ZNF765: variants seen among roughly 807,000 people sequenced by gnomAD.
The protein encoded by ZNF765 is zinc finger protein 765.
Under a neutral mutation model 44.7 loss-of-function variants are expected in ZNF765, and 37 were observed. The ratio of observed to expected loss-of-function variants is 0.83; its 90% CI spans 0.64 to 1.09. ZNF765 has a LOEUF of 1.09. Among genes scored for constraint, ZNF765 ranks in the 50% least tolerant of loss-of-function variants. ZNF765 has a pLI of 0.00. For missense variants in ZNF765, 594 were observed against 626.1 expected (o/e 0.95, Z 0.55); for synonymous variants, 201 against 213.7 (o/e 0.94, Z 0.52).
chr19:53,412,517 C>G (rs2085841643), downstream of ZNF765, among the ~76,000 whole-genome samples: 1 of 152,128 alleles, frequency 6.6e-6, no homozygotes. Context: ...TAAACTGGTA[C>G]AAGTCTGTTA....
chr19:53,400,783 T>TATATACACAC lies in ZNF765; in HGVS notation c.16-1281_16-1280insTATACACACA, dbSNP rs10664389. Among the ~76,000 whole-genome samples, 397 of 126,766 alleles carry TATATACACAC rather than the reference T, an allele frequency of 3.1e-3. 2 individuals are homozygous for TATATACACAC. Among genetic ancestry groups the TATATACACAC allele is most frequent in the Admixed American group, 5.7e-3 (71 of 12,456 alleles). The allele number at this position is 126,766 out of a possible 152,430, so 83.2% of individuals were successfully genotyped here. The stretch of plus-strand genomic sequence containing the variant: ...GTTGACATATATATATATATATATA[T>TATATACACAC]ACACACATACATAAAATGGATTTTC... On this transcript the variant is annotated intron_variant, in intron 2 of 3. Transcript: ENST00000396408.
intron 1 of ZNF765, among the ~76,000 whole-genome samples, chr19:53,396,007 A>T (rs1427095637): frequency 1.3e-5 from 2 of 151,964 alleles, no homozygotes; most frequent in African/African-American, 4.8e-5. Flanking sequence ...GGAAAAAAAA[A>T]AAAAGGAGGA....
chr19:53,416,609 C>T (rs550957303), downstream of ZNF765, among the ~76,000 whole-genome samples: 11 of 151,898 alleles, frequency 7.2e-5, no homozygotes, highest in East Asian at 9.7e-4. Context: ...TGGGATATTT[C>T]GGTTAAGAGA....
chr19:53,398,561 T>C lies in ZNF765; in HGVS notation c.15+531T>C, dbSNP rs542725007. ...AGAATGGAAAGTTCATACACAGACA[T>C]GAATGATACAAGATGTTTTATTCCG... On this transcript the variant is annotated intron_variant, in intron 2 of 3. Coordinates refer to ENST00000396408, the MANE Select transcript of ZNF765 (RefSeq NM_001040185.3). 5.3e-5 allele frequency among the ~76,000 whole-genome samples: 8 copies of C among 152,272 alleles called. 1 individual carries two copies. In the South Asian group the frequency reaches 1.0e-3, roughly 20 times the overall value.
exon 4 of ZNF765, chr19:53,423,943 G>A (rs1358374738): frequency 6.5e-6 from 1 of 154,702 alleles, no homozygotes; most frequent in Non-Finnish European, 1.4e-5. Flanking sequence ...ATACTGAAAC[G>A]TAAACGATAT....
intron 3 of ZNF765, among the ~76,000 whole-genome samples, chr19:53,403,852 AAAC>A (rs2085751343): frequency 6.6e-6 from 1 of 150,800 alleles, no homozygotes; most frequent in African/African-American, 2.5e-5. Context: ...AAAAAAAAAA[AAAC>A]AACAACAACA....
chr19:53,405,454 G>A (rs2085764714), intron 3 of ZNF765, among the ~76,000 whole-genome samples: 1 of 151,872 alleles, frequency 6.6e-6, no homozygotes. Context: ...GGAGGCTTCA[G>A]ACACAGAAAT....
At chr19:53,398,810 C>T (rs2085694941) in intron 2 of ZNF765, among the ~76,000 whole-genome samples, 1 of 152,080 alleles carries the variant, frequency 6.6e-6, no homozygotes, top group Non-Finnish European at 1.5e-5. Context: ...AGTGCAGTGG[C>T]ATGATCTTGG....
intron 2 of ZNF765, among the ~76,000 whole-genome samples, chr19:53,400,078 G>C (rs1248045797): frequency 2.0e-5 from 3 of 152,066 alleles, no homozygotes; most frequent in Non-Finnish European, 4.4e-5. Flanking sequence ...ACTCAAAGTG[G>C]TGGGATTACA....
chr19:53,400,791 T>C (rs371421195), intron 2 of ZNF765, among the ~76,000 whole-genome samples: 3 of 142,114 alleles, frequency 2.1e-5, no homozygotes, highest in Non-Finnish European at 3.1e-5. Context: ...TATACACACA[T>C]ACATAAAATG....
At chr19:53,402,379 C>G (rs1009413693) in intron 3 of ZNF765, among the ~76,000 whole-genome samples, 188 bp downstream of exon 3, 2 of 150,282 alleles carry the variant, frequency 1.3e-5, no homozygotes, top group Admixed American at 6.7e-5. Context: ...ACTTCAGCCT[C>G]CCAAGTAGCT....
chr19:53,400,440 C>T (rs573091042), intron 2 of ZNF765, among the ~76,000 whole-genome samples: 11 of 152,174 alleles, frequency 7.2e-5, no homozygotes, highest in Admixed American at 5.9e-4. Context: ...TGATTACTTC[C>T]TCTAGGATGA....
At chr19:53,399,289 A>G (rs1191584718) in intron 2 of ZNF765, among the ~76,000 whole-genome samples, 1 of 139,322 alleles carries the variant, frequency 7.2e-6, no homozygotes, top group East Asian at 2.1e-4. Flanking sequence ...TAAACATCAC[A>G]TAGTGAATAT....
At chr19:53,414,240 C>CAAAAAAAAAAA (rs754534125), downstream of ZNF765, among the ~76,000 whole-genome samples, 91 of 77,982 alleles carry the variant, frequency 1.2e-3, 21 homozygotes, top group African/African-American at 4.0e-3. Flanking sequence ...GACTCCATCT[C>CAAAAAAAAAAA]AAAAAAAAAA....
chr19:53,398,203 A>G (rs1395734648), intron 2 of ZNF765, among the ~76,000 whole-genome samples, 173 bp downstream of exon 2: 3 of 152,136 alleles, frequency 2.0e-5, no homozygotes, highest in Non-Finnish European at 2.9e-5. Context: ...CCCATGATCC[A>G]GTGACATGAA....
chr19:53,419,942 C>A (rs893323008), intron 3 of ZNF765, among the ~76,000 whole-genome samples: 1 of 151,974 alleles, frequency 6.6e-6, no homozygotes, highest in Non-Finnish European at 1.5e-5. Context: ...ATTTCTTGAA[C>A]CCAGGAAGGC....
At chr19:53,406,671 T>G (rs2085779126) in intron 3 of ZNF765, among the ~76,000 whole-genome samples, 1 of 152,204 alleles carries the variant, frequency 6.6e-6, no homozygotes, top group Admixed American at 6.5e-5. Flanking sequence ...TCCCAGGACT[T>G]TGGGAGGCTG....
Position 53,408,217 on chromosome 19 carries a change from G to A in ZNF765, c.662G>A (p.Gly221Asp), listed in dbSNP as rs759979744. The change falls in exon 4 of 4, where the codon GGC becomes GAC. Residue 221 changes from glycine to aspartate, a missense_variant. Around this residue, in one of 2 missense-constraint regions of ZNF765, gnomAD observed 567 missense variants for 572.6 expected, o/e 0.99. Coordinates refer to ENST00000396408, the MANE Select transcript of ZNF765 (RefSeq NM_001040185.3). ...REKSFQCNDS[G>D]KAYNCSSLLR... ...AAATCTTTCCAATGCAATGACAGTG[G>A]CAAAGCCTATAATTGTAGCTCACTC... 6 of 1,614,160 alleles carry A rather than the reference G, an allele frequency of 3.7e-6. No homozygotes were observed. The highest frequency in any genetic ancestry group is 1.1e-5 in the South Asian group (1 of 91,068).
chr19:53,405,224 A>C (rs4803102), intron 3 of ZNF765, among the ~76,000 whole-genome samples: 125,545 of 151,638 alleles, frequency 0.83, 52,217 homozygotes, highest in Admixed American at 0.87. Context: ...TGGTGGCGCA[A>C]GGCTGTTATC....
Sources: allele counts gnomAD v4.1 joint callset (sites outside exome capture counted in the v4.1 genomes callset), GRCh38; gene constraint gnomAD v4.1.1; regional missense constraint gnomAD v4.1.1; transcripts MANE v1.5; gene names NCBI Gene and HGNC (gene_info 2026-07-23, HGNC 2026-07-21).